GRIK4: variants seen among roughly 807,000 people sequenced by gnomAD.
GRIK4 encodes glutamate receptor ionotropic, kainate 4.
GRIK4 carries 40 observed loss-of-function variants against 104.9 expected under a neutral mutation model. The observed-to-expected ratio is 0.38, with a 90% CI of 0.30 to 0.50. GRIK4 has a LOEUF of 0.50. Among genes scored for constraint, GRIK4 ranks in the 20% least tolerant of loss-of-function variants. The pLI, the probability that GRIK4 is intolerant of heterozygous loss-of-function variation, is 0.93. For missense variants in GRIK4, 1,047 were observed against 1,308.1 expected (o/e 0.80, Z 3.08); for synonymous variants, 485 against 524.9 (o/e 0.92, Z 1.04).
At chr11:120,820,050 A>G (rs907951106) in intron 6 of GRIK4, 130 bp downstream of exon 6, 38 of 804,882 alleles carry the variant, frequency 4.7e-5, no homozygotes, top group Middle Eastern at 3.8e-4. Flanking sequence ...GCTGATAACC[A>G]ATGGGTTTGG....
chr11:120,668,101 G>GGATA (rs60323501), intron 3 of GRIK4, among the ~76,000 whole-genome samples: 23,277 of 144,040 alleles, frequency 0.16, 2,008 homozygotes, highest in East Asian at 0.23. Flanking sequence ...ATAGATAGAT[G>GGATA]GATAGATAGA....
chr11:120,678,225 C>CA (rs1221026190), intron 3 of GRIK4, among the ~76,000 whole-genome samples: 2 of 152,198 alleles, frequency 1.3e-5, no homozygotes, highest in African/African-American at 4.8e-5. Context: ...CACCTCATCC[C>CA]CCTTCTTGTC....
In GRIK4 at chr11:120,862,387, C is replaced by T. The variant is rs1403770943; in HGVS notation, c.906+267C>T. 3.7e-5 allele frequency: 13 copies of T among 351,576 alleles called. No individual in the cohort carries two copies. In the East Asian group the frequency reaches 5.5e-4, roughly 15 times the overall value. The allele number at this position is 351,576 out of a possible 1,614,324, so 21.8% of individuals were successfully genotyped here. ...TGCAAGTCCCCTGTGGCCAGACTCT[C>T]AATAATACAATTGCCGAGAGCTGCC... On this transcript the variant is annotated intron_variant, in intron 9 of 20. Transcript: ENST00000527524.
chr11:120,954,834 C>A (rs933500000), intron 15 of GRIK4, among the ~76,000 whole-genome samples: 1 of 111,392 alleles, frequency 9.0e-6, no homozygotes, highest in South Asian at 3.0e-4. Flanking sequence ...CACACACAAA[C>A]AATACTGGAG....
chr11:120,700,993 T>C (rs61901369), intron 3 of GRIK4, among the ~76,000 whole-genome samples: 17,852 of 152,242 alleles, frequency 0.12, 1,145 homozygotes, highest in South Asian at 0.19. Context: ...TCAGTACAGT[T>C]ACATGCTGTG....
At chr11:120,615,654 A>C (rs1203680874) in intron 1 of GRIK4, among the ~76,000 whole-genome samples, 1 of 152,024 alleles carries the variant, frequency 6.6e-6, no homozygotes, top group Non-Finnish European at 1.5e-5. Flanking sequence ...CATTCTACCT[A>C]CTGGGCTTGG....
intron 1 of GRIK4, among the ~76,000 whole-genome samples, chr11:120,649,744 C>T (rs1365812831): frequency 1.3e-5 from 2 of 152,226 alleles, no homozygotes; most frequent in Admixed American, 6.5e-5. Flanking sequence ...CTGCTCATCT[C>T]CTCCCAAACA....
At chr11:120,829,731 A>G (rs1384292572) in intron 6 of GRIK4, among the ~76,000 whole-genome samples, 2 of 152,174 alleles carry the variant, frequency 1.3e-5, no homozygotes, top group South Asian at 2.1e-4. Flanking sequence ...TGCCCATTCT[A>G]CAGATGAAGA....
intron 1 of GRIK4, among the ~76,000 whole-genome samples, chr11:120,614,814 A>G (rs551512128): frequency 2.4e-4 from 36 of 152,254 alleles, no homozygotes; most frequent in Middle Eastern, 3.4e-3. Context: ...CCTGGCTAAC[A>G]TGGTGAAACC....
rs752081966 is a variant in GRIK4, at chr11:120,819,788, G to A, written c.379G>A (p.Val127Ile). ...PHFKVAPEEF[V>I]KFQFQRFTTL... is the part of the protein sequence containing the mutation. Reference sequence around the variant, plus strand: ...CTTCAAAGTGGCCCCAGAGGAGTTCGTCAAGTTCCAGTTCCAGAGATTCAC... The same window carrying A: ...CTTCAAAGTGGCCCCAGAGGAGTTCATCAAGTTCCAGTTCCAGAGATTCAC... Residue 127 changes from valine to isoleucine, a missense_variant, in exon 6 of 21, where the codon GTC becomes ATC. Physicochemically the swap from Val to Ile is conservative, Grantham distance 29. This residue lies in a region of GRIK4 where 447 missense variants were observed against 514.9 expected (regional missense o/e 0.87). Transcript: ENST00000527524. The surrounding 1 kb of genome is among the most constrained non-coding windows in gnomAD (Gnocchi z 4.3). The A allele has an allele frequency of 4.3e-6, 7 of 1,614,116 alleles. No homozygotes were observed. The highest frequency in any genetic ancestry group is 2.2e-5 in the East Asian group (1 of 44,874).
chr11:120,856,577 G>A (rs1954110458), intron 8 of GRIK4, among the ~76,000 whole-genome samples: 1 of 152,190 alleles, frequency 6.6e-6, no homozygotes, highest in Non-Finnish European at 1.5e-5. Flanking sequence ...TAAGGGAGTT[G>A]AGGCTGTCTC....
In GRIK4 at chr11:120,523,229, G is replaced by A. The variant is rs368275344; in HGVS notation, c.-159+11342G>A. Reference sequence around the variant, plus strand: ...GCCGACTCTCCTTTGAAACGTAACGGTCCTGCCAGAGTCCAGAGTAAATAG... The same window carrying A: ...GCCGACTCTCCTTTGAAACGTAACGATCCTGCCAGAGTCCAGAGTAAATAG... On this transcript the variant is annotated intron_variant, in intron 1 of 20. Coordinates refer to ENST00000527524, the MANE Select transcript of GRIK4 (RefSeq NM_014619.5). 5.3e-5 allele frequency among the ~76,000 whole-genome samples: 8 copies of A among 151,274 alleles called. No individual in the cohort carries two copies. The South Asian group carries it at 1.7e-3, about 32-fold the overall frequency.
In GRIK4 at chr11:120,512,809, T is replaced by C. The variant is rs541400340; in HGVS notation, c.-159+922T>C. Among the ~76,000 whole-genome samples, 10 of 152,160 alleles carry C rather than the reference T, an allele frequency of 6.6e-5. No individual in the cohort carries two copies. The East Asian group carries it at 1.9e-3, about 29-fold the overall frequency. ...GTCTCTTTCCCTGGCTCCCTTGAGC[T>C]GAGCAAAGTGAGGGGAGGAGTTGGA... On this transcript the variant is annotated intron_variant, in intron 1 of 20. Coordinates refer to ENST00000527524, the MANE Select transcript of GRIK4 (RefSeq NM_014619.5).
chr11:120,867,887 A>G (rs1465230114), intron 9 of GRIK4: 1 of 152,232 alleles, frequency 6.6e-6, no homozygotes, highest in Non-Finnish European at 1.5e-5. Flanking sequence ...AATCATTAAA[A>G]TTACAGATGG....
intron 3 of GRIK4, among the ~76,000 whole-genome samples, chr11:120,738,532 G>A (rs527686489): frequency 9.2e-5 from 14 of 152,276 alleles, no homozygotes; most frequent in African/African-American, 3.1e-4. Flanking sequence ...GTCCATCACC[G>A]TTCATCCCCC....
chr11:120,540,962 G>A (rs2253154), intron 1 of GRIK4, among the ~76,000 whole-genome samples: 48 of 152,242 alleles, frequency 3.2e-4, no homozygotes, highest in Middle Eastern at 3.4e-3. Flanking sequence ...AGTGAGACCC[G>A]GTCTCTTAAA....
chr11:120,522,360 T>G (rs938469809), intron 1 of GRIK4, among the ~76,000 whole-genome samples: 45 of 152,290 alleles, frequency 3.0e-4, no homozygotes, highest in Non-Finnish European at 5.3e-4. Context: ...CTCGCTCGGT[T>G]GCCCAGGCTG....
intron 16 of GRIK4, among the ~76,000 whole-genome samples, chr11:120,959,880 A>T (rs1370517702): frequency 6.6e-6 from 1 of 152,260 alleles, no homozygotes; most frequent in Non-Finnish European, 1.5e-5. Context: ...ATACAAATTT[A>T]TCAGCTGGCA....
intron 3 of GRIK4, among the ~76,000 whole-genome samples, chr11:120,733,196 G>A (rs1951168429): frequency 6.6e-6 from 1 of 152,028 alleles, no homozygotes; most frequent in Non-Finnish European, 1.5e-5. Flanking sequence ...TGAAATATCA[G>A]TCTATGTGTA....
Sources: gnomAD v4.1 joint callset for allele counts (sites outside exome capture counted in the v4.1 genomes callset) on GRCh38, gnomAD v4.1.1 for gene constraint, gnomAD v4.1.1 regional missense constraint, Gnocchi (gnomAD v3.1) non-coding constraint, MANE v1.5 for transcripts, NCBI Gene and HGNC (gene_info 2026-07-23, HGNC 2026-07-21) for gene names.